The following ACTN4 variants were observed in gnomAD, a reference collection of about 807,000 sequenced individuals.
ACTN4 encodes the protein actinin alpha 4.
Under a neutral mutation model 114.2 loss-of-function variants are expected in ACTN4, and 18 were observed. The observed-to-expected ratio is 0.16, with a 90% CI of 0.11 to 0.23. The LOEUF is 0.23. ACTN4 is among the 10% of genes least tolerant of loss of function. The probability of loss-of-function intolerance (pLI) is 1.00; values close to 1 mark genes in which losing one functional copy is unlikely to be tolerated. For missense variants in ACTN4, 722 were observed against 1,262.9 expected (o/e 0.57, Z 6.49); for synonymous variants, 515 against 506.3 (o/e 1.02, Z -0.23).
chr19:38,687,986 G>A (rs533128888), intron 1 of ACTN4, among the ~76,000 whole-genome samples: 2 of 137,460 alleles, frequency 1.5e-5, no homozygotes, highest in South Asian at 2.5e-4. Flanking sequence ...ATCTACAAAT[G>A]GTCAATAAGC....
intron 1 of ACTN4, among the ~76,000 whole-genome samples, chr19:38,664,709 C>T (rs534999141): frequency 6.6e-6 from 1 of 152,292 alleles, no homozygotes; most frequent in Admixed American, 6.5e-5. Context: ...GATATTAGCA[C>T]AGCCGGTTCC....
chr19:38,674,094 A>T (rs1178522451), intron 1 of ACTN4, among the ~76,000 whole-genome samples: 2 of 151,974 alleles, frequency 1.3e-5, no homozygotes, highest in African/African-American at 4.8e-5. Context: ...TATTTTTATG[A>T]AGGAAAAGAC....
At chr19:38,699,208 G>A (rs1241463063) in intron 1 of ACTN4, among the ~76,000 whole-genome samples, 2 of 152,192 alleles carry the variant, frequency 1.3e-5, no homozygotes, top group Non-Finnish European at 2.9e-5. Flanking sequence ...CTATGAGCAT[G>A]CCCCAGCTTG....
Position 38,717,326 on chromosome 19 carries a change from A to G in ACTN4, c.1143+10A>G. 1 of 1,612,906 alleles carries G rather than the reference A, an allele frequency of 6.2e-7. No individual in the cohort carries two copies. Among genetic ancestry groups the G allele is most frequent in the African/African-American group, 1.3e-5 (1 of 75,032 alleles). Reference sequence around the variant, plus strand: ...GGGCAAGATGGTCTCGGTGAGCACCAGGATTCACATGGGAGCAGCTGTGAG... The same window carrying G: ...GGGCAAGATGGTCTCGGTGAGCACCGGGATTCACATGGGAGCAGCTGTGAG... On this transcript the variant is annotated intron_variant, in intron 10 of 20. Coordinates refer to ENST00000252699, the MANE Select transcript of ACTN4 (RefSeq NM_004924.6). This position sits in a 1 kb window ranked among gnomAD's most constrained non-coding sequence, Gnocchi z 4.0.
chr19:38,655,973 AT>A (rs1015768717), intron 1 of ACTN4, among the ~76,000 whole-genome samples: 16 of 152,148 alleles, frequency 1.1e-4, no homozygotes, highest in African/African-American at 3.9e-4. Context: ...GCAACCATTC[AT>A]TTTTTTTCTT....
intron 17 of ACTN4, among the ~76,000 whole-genome samples, chr19:38,726,699 T>C (rs1969243895): frequency 6.6e-6 from 1 of 152,200 alleles, no homozygotes; most frequent in African/African-American, 2.4e-5. Flanking sequence ...GTCCAAACAG[T>C]CTCCACAGGG....
chr19:38,703,910 G>A (rs982811107), intron 3 of ACTN4, among the ~76,000 whole-genome samples: 6 of 152,132 alleles, frequency 3.9e-5, no homozygotes, highest in Non-Finnish European at 7.3e-5. Context: ...CTAGGGGCGT[G>A]CTTTGTGAGT....
chr19:38,657,902 G>A (rs1049660942), intron 1 of ACTN4, among the ~76,000 whole-genome samples: 4 of 152,100 alleles, frequency 2.6e-5, no homozygotes, highest in African/African-American at 7.2e-5. Context: ...TATGTGTAAC[G>A]GTTAACAAAT....
chr19:38,672,439 C>G (rs886605012), intron 1 of ACTN4, among the ~76,000 whole-genome samples: 11 of 151,476 alleles, frequency 7.3e-5, no homozygotes, highest in African/African-American at 2.4e-4. Flanking sequence ...CGTGGTTTCT[C>G]CATGTTGGCC....
rs1210465795 is a variant in ACTN4 at position 38,673,477 on chromosome 19, A to T, written c.162+25570A>T. 2.8e-4 allele frequency among the ~76,000 whole-genome samples: 16 copies of T among 57,158 alleles called. 1 individual carries two copies. Among genetic ancestry groups the T allele is most frequent in the African/African-American group, 5.4e-4 (12 of 22,310 alleles). The allele number at this position is 57,158 out of a possible 152,430, so 37.5% of individuals were successfully genotyped here. On this transcript the variant is annotated intron_variant, in intron 1 of 20. Coordinates refer to ENST00000252699, the MANE Select transcript of ACTN4 (RefSeq NM_004924.6). ...TATTCATATATATTTATATATATTT[A>T]TATATATATTCATATATATTTATAT... is the stretch of plus-strand genomic sequence containing the variant.
chr19:38,698,289 G>A lies in ACTN4; in HGVS notation c.163-2311G>A, dbSNP rs142701654. The stretch of plus-strand genomic sequence containing the variant: ...GTGGGGTCTTCATCCCCACGTTGCA[G>A]AGGAGGAAATGGAAGTTAGGAAGGT... On this transcript the variant is annotated intron_variant, in intron 1 of 20. Coordinates refer to ENST00000252699, the MANE Select transcript of ACTN4 (RefSeq NM_004924.6). Among the ~76,000 whole-genome samples the A allele has an allele frequency of 8.2e-4, 125 of 152,338 alleles. 2 individuals carry two copies. In the South Asian group the frequency reaches 0.011, roughly 13 times the overall value.
chr19:38,647,798 C>G lies in ACTN4; in HGVS notation c.53C>G (p.Ala18Gly). 1 of 1,553,576 alleles carries G rather than the reference C, an allele frequency of 6.4e-7. No homozygotes were observed. Among genetic ancestry groups the G allele is most frequent in the Non-Finnish European group, 8.7e-7 (1 of 1,151,436 alleles). Residue 18 changes from alanine to glycine, a missense_variant, in exon 1 of 21, where the codon GCG (alanine) becomes GGG (glycine). This residue lies in a region of ACTN4 where 72 missense variants were observed against 75.6 expected (regional missense o/e 0.95). Coordinates refer to ENST00000252699, the MANE Select transcript of ACTN4 (RefSeq NM_004924.6). ...NQSYQYGPSS[A>G]GNGAGGGGSM... ...TCGTACCAGTACGGCCCCAGCAGCG[C>G]GGGCAATGGCGCTGGCGGCGGGGGC...
intron 1 of ACTN4, among the ~76,000 whole-genome samples, chr19:38,677,735 T>C (rs1188053581): frequency 1.3e-5 from 2 of 152,252 alleles, no homozygotes; most frequent in East Asian, 3.9e-4. Context: ...ATGCGATGCT[T>C]TTCTTTTTTT....
chr19:38,724,475 G>A lies in ACTN4; in HGVS notation c.1920G>A (p.Glu640=), dbSNP rs1334441049. 7 of 1,613,570 alleles carry A rather than the reference G, an allele frequency of 4.3e-6. No individual in the cohort carries two copies. The East Asian group carries it at 1.6e-4, about 36-fold the overall frequency. Residue 640 remains glutamate (E), a synonymous_variant, in exon 16 of 21, where the codon GAG becomes GAA. Transcript: ENST00000252699. The surrounding 1 kb of genome is among the most constrained non-coding windows in gnomAD (Gnocchi z 7.0). Reference sequence around the variant, plus strand: ...AACGGGACCATGCCCTCCTGGAGGAGCAGAGCAAGCAGCAGTCCAACGAGC... The same window carrying A: ...AACGGGACCATGCCCTCCTGGAGGAACAGAGCAAGCAGCAGTCCAACGAGC... ...VPKRDHALLE[E]QSKQQSNEHL...
chr19:38,662,688 A>G (rs1476290485), intron 1 of ACTN4, among the ~76,000 whole-genome samples: 3 of 152,122 alleles, frequency 2.0e-5, no homozygotes, highest in East Asian at 1.9e-4. Flanking sequence ...GTTGAGTCCT[A>G]CCCCACGTTT....
At chr19:38,719,806 G>A (rs1283561128) in intron 11 of ACTN4, among the ~76,000 whole-genome samples, 3 of 152,258 alleles carry the variant, frequency 2.0e-5, no homozygotes, top group African/African-American at 7.2e-5. Context: ...AGGCCCTGCA[G>A]ATGGTTTCCT....
At chr19:38,699,631 CG>C (rs2046969111) in intron 1 of ACTN4, among the ~76,000 whole-genome samples, 1 of 151,936 alleles carries the variant, frequency 6.6e-6, no homozygotes, top group Non-Finnish European at 1.5e-5. Context: ...GGCATACACC[CG>C]TAGTCCCAGC....
chr19:38,714,053 C>T (rs1255269129), intron 8 of ACTN4, among the ~76,000 whole-genome samples: 1 of 152,222 alleles, frequency 6.6e-6, no homozygotes, highest in Non-Finnish European at 1.5e-5. Context: ...CTCCGGGACC[C>T]GGGCGCCCCT....
chr19:38,715,973 C>T (rs1053986867), intron 9 of ACTN4, among the ~76,000 whole-genome samples: 8 of 152,256 alleles, frequency 5.3e-5, no homozygotes, highest in Non-Finnish European at 1.2e-4. Flanking sequence ...ACGACCTTGG[C>T]TCACTGCAAC....
Sources: allele counts gnomAD v4.1 joint callset (sites outside exome capture counted in the v4.1 genomes callset), GRCh38; gene constraint gnomAD v4.1.1; regional missense constraint gnomAD v4.1.1; non-coding constraint Gnocchi (gnomAD v3.1); transcripts MANE v1.5; gene names NCBI Gene and HGNC (gene_info 2026-07-23, HGNC 2026-07-21).